PHACTR3: variants seen among roughly 807,000 people sequenced by gnomAD.
PHACTR3 encodes phosphatase and actin regulator 3.
Under a neutral mutation model 66.8 loss-of-function variants are expected in PHACTR3, and 16 were observed. That is an observed-to-expected ratio of 0.24 (90% CI 0.16 to 0.36). The LOEUF is 0.36. Ranked by LOEUF, PHACTR3 falls within the 10% of genes least tolerant of loss-of-function variation. The probability of loss-of-function intolerance (pLI) is 1.00; values close to 1 mark genes in which losing one functional copy is unlikely to be tolerated. For synonymous variants in PHACTR3, 323 were observed against 292.1 expected (o/e 1.11, Z -1.08); for missense variants, 647 against 719.9 (o/e 0.90, Z 1.16).
chr20:59,701,565 T>TA (rs1568725964), intron 1 of PHACTR3, among the ~76,000 whole-genome samples: 1 of 152,224 alleles, frequency 6.6e-6, no homozygotes, highest in African/African-American at 2.4e-5. Flanking sequence ...CAACTCTTTT[T>TA]AAAAAATAGA....
At chr20:59,591,115 C>T (rs778407238) in intron 1 of PHACTR3, among the ~76,000 whole-genome samples, 5 of 152,202 alleles carry the variant, frequency 3.3e-5, no homozygotes, top group South Asian at 2.1e-4. Flanking sequence ...TCTTCATTCT[C>T]GTAGAATATT....
chr20:59,671,401 C>T (rs2036192963), intron 1 of PHACTR3, among the ~76,000 whole-genome samples: 1 of 152,316 alleles, frequency 6.6e-6, no homozygotes, highest in African/African-American at 2.4e-5. Context: ...CCACAGAATT[C>T]AAAGGCAGTG....
chr20:59,817,825 C>T (rs2041928326), intron 8 of PHACTR3, among the ~76,000 whole-genome samples: 1 of 152,232 alleles, frequency 6.6e-6, no homozygotes, highest in African/African-American at 2.4e-5. Context: ...GCAATGTGTG[C>T]ACCCAGAAAA....
chr20:59,672,083 G>A (rs988931511), intron 1 of PHACTR3, among the ~76,000 whole-genome samples: 1 of 152,232 alleles, frequency 6.6e-6, no homozygotes, highest in African/African-American at 2.4e-5. Flanking sequence ...CTCAAATGTG[G>A]GCAGTTTGGG....
At chr20:59,735,896 A>G (rs949418921) in intron 1 of PHACTR3, among the ~76,000 whole-genome samples, 17 of 152,222 alleles carry the variant, frequency 1.1e-4, no homozygotes, top group African/African-American at 3.9e-4. Context: ...TGCACCAGGC[A>G]TGGAAATTAG....
chr20:59,690,576 G>A (rs1659600065), intron 1 of PHACTR3, among the ~76,000 whole-genome samples: 1 of 152,202 alleles, frequency 6.6e-6, no homozygotes, highest in South Asian at 2.1e-4. Context: ...CCTTCATTTG[G>A]TGGGGAGACT....
chr20:59,750,101 G>A (rs1331490618), intron 3 of PHACTR3, among the ~76,000 whole-genome samples: 2 of 152,110 alleles, frequency 1.3e-5, no homozygotes, highest in African/African-American at 4.8e-5. Context: ...ATACTGTTCT[G>A]AACGCACATC....
chr20:59,580,651 A>G (rs542686175), intron 1 of PHACTR3, among the ~76,000 whole-genome samples: 5 of 152,206 alleles, frequency 3.3e-5, no homozygotes, highest in Non-Finnish European at 7.4e-5. Flanking sequence ...ATGCTCATTA[A>G]AAGTTGTGGC....
chr20:59,669,781 C>T (rs1010609340), intron 1 of PHACTR3, among the ~76,000 whole-genome samples: 4 of 152,190 alleles, frequency 2.6e-5, no homozygotes, highest in Non-Finnish European at 5.9e-5. Flanking sequence ...GAAGCTCATC[C>T]GTGTTGTAGC....
At chr20:59,675,648 T>A (rs918506824) in intron 1 of PHACTR3, among the ~76,000 whole-genome samples, 1 of 152,148 alleles carries the variant, frequency 6.6e-6, no homozygotes, top group Non-Finnish European at 1.5e-5. Flanking sequence ...GACACTGCAG[T>A]GCCTGGAGAC....
chr20:59,837,378 A>G (rs1056422271), intron 9 of PHACTR3, among the ~76,000 whole-genome samples: 2 of 152,182 alleles, frequency 1.3e-5, no homozygotes, highest in Non-Finnish European at 2.9e-5. Context: ...TTATAATGGT[A>G]CCAAGCTGAC....
intron 1 of PHACTR3, among the ~76,000 whole-genome samples, chr20:59,716,237 TGTGTG>T (rs2038087458): frequency 6.6e-6 from 1 of 150,666 alleles, no homozygotes; most frequent in Non-Finnish European, 1.5e-5. Flanking sequence ...TGTGTGTGTG[TGTGTG>T]TGTGTGTGTG....
chr20:59,673,425 G>A (rs986075356), intron 1 of PHACTR3, among the ~76,000 whole-genome samples: 3 of 152,214 alleles, frequency 2.0e-5, no homozygotes, highest in African/African-American at 2.4e-5. Context: ...GCAATGTGGC[G>A]CTAAGCGGGG....
chr20:59,584,370 T>C (rs781744418), intron 1 of PHACTR3, among the ~76,000 whole-genome samples: 3 of 150,486 alleles, frequency 2.0e-5, no homozygotes, highest in Non-Finnish European at 4.4e-5. Flanking sequence ...TGATTGTGTG[T>C]GTGCGTGTGA....
chr20:59,592,028 G>C (rs1371824924), intron 1 of PHACTR3, among the ~76,000 whole-genome samples: 1 of 151,992 alleles, frequency 6.6e-6, no homozygotes, highest in Non-Finnish European at 1.5e-5. Flanking sequence ...TTTGTGCACG[G>C]CTTTTGAAAT....
At chr20:59,838,257 C>CTA (rs924878902) in intron 9 of PHACTR3, among the ~76,000 whole-genome samples, 2 of 152,112 alleles carry the variant, frequency 1.3e-5, no homozygotes, top group Non-Finnish European at 2.9e-5. Context: ...AATAGGGTAA[C>CTA]TATATATAGC....
At chr20:59,843,987 A>C (rs1003316554) in intron 11 of PHACTR3, 1 of 152,132 alleles carries the variant, frequency 6.6e-6, no homozygotes, top group Non-Finnish European at 1.5e-5. Context: ...CAAAACAAAT[A>C]ATCCCATTAG....
chr20:59,618,779 C>T (rs574357741), intron 1 of PHACTR3, among the ~76,000 whole-genome samples: 7 of 150,322 alleles, frequency 4.7e-5, no homozygotes, highest in African/African-American at 7.3e-5. Context: ...TGAGCAGGGC[C>T]GAGAGCCTGA....
chr20:59,804,898 T>C (rs1429484522), intron 7 of PHACTR3, among the ~76,000 whole-genome samples: 5 of 152,218 alleles, frequency 3.3e-5, no homozygotes, highest in African/African-American at 4.8e-5. Flanking sequence ...ACCATGTTTC[T>C]TAAGAAATAA....
Sources: allele counts gnomAD v4.1 joint callset (sites outside exome capture counted in the v4.1 genomes callset), GRCh38; gene constraint gnomAD v4.1.1; transcripts MANE v1.5; gene names NCBI Gene and HGNC (gene_info 2026-07-23, HGNC 2026-07-21).